PALM: variants seen among roughly 807,000 people sequenced by gnomAD.
PALM encodes paralemmin.
A neutral mutation model predicts 30.7 loss-of-function variants in PALM; 18 were observed. That is an observed-to-expected ratio of 0.59 (90% CI 0.41 to 0.87). The LOEUF (loss-of-function observed/expected upper bound fraction) is 0.87, where lower values mean the gene tolerates loss of function less well. Among genes scored for constraint, PALM ranks in the 40% least tolerant of loss-of-function variants. The pLI, the probability that PALM is intolerant of heterozygous loss-of-function variation, is 0.00. For synonymous variants in PALM, 286 were observed against 242.8 expected (o/e 1.18, Z -1.66); for missense variants, 529 against 555.4 (o/e 0.95, Z 0.48).
rs142619819 is a variant in PALM, at chr19:746,586, C to T, written c.936C>T (p.Ala312=). The T allele has an allele frequency of 1.4e-4, 232 of 1,613,380 alleles. No individual in the cohort carries two copies. The highest frequency in any genetic ancestry group is 4.0e-4 in the East Asian group (18 of 44,852). ...GTTACCAGAACGTGGAGGATGAGGC[C>T]GAGACCAAGAAGGTGCTGGGCCTTC... ...FMGYQNVEDE[A]ETKKVLGLQD... is the part of the protein sequence containing the mutation. The change falls in exon 9 of 9, where the codon GCC becomes GCT. Residue 312 remains alanine, a synonymous_variant. Coordinates refer to ENST00000338448, the MANE Select transcript of PALM (RefSeq NM_002579.3). This position sits in a 1 kb window ranked among gnomAD's most constrained non-coding sequence, Gnocchi z 7.1.
intron 1 of PALM, chr19:719,575 T>TGGGACCCCCAGCAGCACCAGGACCGC: frequency 3.0e-6 from 3 of 986,468 alleles, no homozygotes; most frequent in Non-Finnish European, 3.6e-6. Context: ...GCACCTGCCC[T>TGGGACCCCCAGCAGCACCAGGACCGC]GGGACCCCCA....
In PALM at chr19:746,987, C is replaced by T. The variant is rs1022042705; in HGVS notation, c.*173C>T. 1.3e-5 allele frequency: 8 copies of T among 597,474 alleles called. No homozygotes were observed. The highest frequency in any genetic ancestry group is 2.4e-5 in the Non-Finnish European group (8 of 336,470). The allele number at this position is 597,474 out of a possible 1,614,324, so 37.0% of individuals were successfully genotyped here. ...GGAAAGAGGGACAGGGGCCCCCACCCGTCACCACGCCCCAACACTCCCCCC... is the reference window on the plus strand; with the variant it reads ...GGAAAGAGGGACAGGGGCCCCCACCTGTCACCACGCCCCAACACTCCCCCC... On this transcript the variant is annotated 3_prime_UTR_variant, in exon 9 of 9. Coordinates refer to ENST00000338448, the MANE Select transcript of PALM (RefSeq NM_002579.3). The surrounding 1 kb of genome is among the most constrained non-coding windows in gnomAD (Gnocchi z 7.1).
intron 8 of PALM, among the ~76,000 whole-genome samples, chr19:743,735 T>C (rs1296903390): frequency 1.3e-5 from 2 of 152,114 alleles, no homozygotes; most frequent in East Asian, 1.9e-4. Flanking sequence ...GGGCTGGTGT[T>C]AGATCATAGC....
chr19:727,840 G>C lies in PALM; in HGVS notation c.269+146G>C. The C allele has an allele frequency of 4.0e-6, 3 of 747,542 alleles. No individual in the cohort carries two copies. The South Asian group carries it at 5.5e-5, about 14-fold the overall frequency. The allele number at this position is 747,542 out of a possible 1,614,324, so 46.3% of individuals were successfully genotyped here. The stretch of plus-strand genomic sequence containing the variant: ...AGGCCAGGACCCAACATGCTTTGAG[G>C]GGGACGCAGGACGGGACAGATCAGG... On this transcript the variant is annotated intron_variant, in intron 4 of 8. Transcript: ENST00000338448.
chr19:727,297 AC>A (rs1568225515), intron 3 of PALM, among the ~76,000 whole-genome samples: 1 of 126,722 alleles, frequency 7.9e-6, no homozygotes, highest in African/African-American at 3.1e-5. Flanking sequence ...CCTGACCCTG[AC>A]CCCGACCCTG....
intron 1 of PALM, among the ~76,000 whole-genome samples, chr19:714,816 A>T (rs1030555161): frequency 6.6e-6 from 1 of 151,868 alleles, no homozygotes; most frequent in Admixed American, 6.6e-5. Context: ...CCTGCTAATT[A>T]TTATGTTTTG....
At chr19:731,895 C>T (rs1489359426) in intron 5 of PALM, among the ~76,000 whole-genome samples, 1 of 152,006 alleles carries the variant, frequency 6.6e-6, no homozygotes, top group Non-Finnish European at 1.5e-5. Flanking sequence ...CTCCTGACCT[C>T]AGGTGATCCA....
intron 4 of PALM, among the ~76,000 whole-genome samples, chr19:730,030 T>C (rs3787019): frequency 0.49 from 75,087 of 152,090 alleles, 18,919 homozygotes; most frequent in African/African-American, 0.6. Context: ...TTTCAGAGGC[T>C]TCAGCTTCAC....
chr19:731,249 A>G lies in PALM; in HGVS notation c.420+4A>G. Reference sequence around the variant, plus strand: ...GGTGGTGATGAATTCACAGCAGGTAAGGGGGTGACTGGGGGGAGCGGATCC... The same window carrying G: ...GGTGGTGATGAATTCACAGCAGGTAGGGGGGTGACTGGGGGGAGCGGATCC... On this transcript the variant is annotated splice_donor_region_variant and intron_variant, in intron 5 of 8. Coordinates refer to ENST00000338448, the MANE Select transcript of PALM (RefSeq NM_002579.3). The G allele has an allele frequency of 6.3e-7, 1 of 1,591,366 alleles. No individual in the cohort carries two copies. The highest frequency in any genetic ancestry group is 1.1e-5 in the South Asian group (1 of 89,496).
rs559671286 is a variant in PALM at position 743,173 on chromosome 19, G to A, written c.634+2690G>A. ...CTGCGGTGCCCCAGATGCTGTCAGAGGGGTCCCCGCAGCCCAGCTCTGGAG... is the reference window on the plus strand; with the variant it reads ...CTGCGGTGCCCCAGATGCTGTCAGAAGGGTCCCCGCAGCCCAGCTCTGGAG... On this transcript the variant is annotated intron_variant, in intron 8 of 8. Coordinates refer to ENST00000338448, the MANE Select transcript of PALM (RefSeq NM_002579.3). Among the ~76,000 whole-genome samples, 3 of 152,290 alleles carry A rather than the reference G, an allele frequency of 2.0e-5. No homozygotes were observed. In the South Asian group the frequency reaches 6.2e-4, roughly 32 times the overall value.
intron 5 of PALM, 46 bp from the exon 6 acceptor site, chr19:734,127 C>G (rs1444761147): frequency 6.2e-7 from 1 of 1,608,850 alleles, no homozygotes; most frequent in Non-Finnish European, 8.5e-7. Flanking sequence ...CCTTCCTCTT[C>G]CCGGGGATGC....
intron 1 of PALM, chr19:719,482 G>T (rs1738414151): frequency 1.0e-6 from 1 of 985,186 alleles, no homozygotes; most frequent in African/African-American, 1.7e-5. Context: ...GCGTCGGGCG[G>T]GGGGCGTGGC....
chr19:726,952 G>A, intron 2 of PALM, 56 bp from the exon 3 acceptor site: 2 of 1,064,964 alleles, frequency 1.9e-6, no homozygotes, highest in Non-Finnish European at 2.8e-6. Flanking sequence ...TGTGGGGGTG[G>A]GGGGGTCTCC....
intron 1 of PALM, among the ~76,000 whole-genome samples, chr19:725,895 T>C (rs535162519): frequency 5.9e-5 from 9 of 152,278 alleles, no homozygotes; most frequent in African/African-American, 2.2e-4. Flanking sequence ...CCTGCCTCAA[T>C]GTCCCCTTCT....
At chr19:741,895 G>C (rs928471889) in intron 8 of PALM, among the ~76,000 whole-genome samples, 15 of 151,970 alleles carry the variant, frequency 9.9e-5, no homozygotes, top group Non-Finnish European at 2.2e-4. Context: ...CGCCCGGCCC[G>C]CAGTGCAGCG....
chr19:743,906 A>G (rs530501837), intron 8 of PALM, among the ~76,000 whole-genome samples: 49 of 152,352 alleles, frequency 3.2e-4, no homozygotes, highest in African/African-American at 1.2e-3. Flanking sequence ...GAGAATACAC[A>G]TTCTTTTCAA....
intron 1 of PALM, among the ~76,000 whole-genome samples, chr19:720,737 G>T (rs1480464925): frequency 6.6e-6 from 1 of 152,136 alleles, no homozygotes; most frequent in Admixed American, 6.5e-5. Flanking sequence ...CGCCCTGGCC[G>T]GCCGGGCAGG....
chr19:723,719 T>C (rs1472132613), intron 1 of PALM, among the ~76,000 whole-genome samples: 1 of 152,170 alleles, frequency 6.6e-6, no homozygotes, highest in Non-Finnish European at 1.5e-5. Flanking sequence ...GCTCCTCAAG[T>C]AGCTGGTTTT....
rs371369566 is a variant in PALM, at chr19:734,216, C to T, written c.442+22C>T. ...AAAGGTAGGACCTCTGGAAGGAACT[C>T]GTGGGGCCTCGGCGCACTCTGGTGG... On this transcript the variant is annotated intron_variant, in intron 6 of 8. Transcript: ENST00000338448. 25 of 1,611,752 alleles carry T rather than the reference C, an allele frequency of 1.6e-5. No homozygotes were observed. In the African/African-American group the frequency reaches 2.8e-4, roughly 18 times the overall value.
Sources: allele counts gnomAD v4.1 joint callset (sites outside exome capture counted in the v4.1 genomes callset), GRCh38; gene constraint gnomAD v4.1.1; non-coding constraint Gnocchi (gnomAD v3.1); transcripts MANE v1.5; gene names NCBI Gene and HGNC (gene_info 2026-07-23, HGNC 2026-07-21).